The following CDH9 variants were observed in gnomAD, a reference collection of about 807,000 sequenced individuals.
The protein encoded by CDH9 is cadherin-9.
A neutral mutation model predicts 70.9 loss-of-function variants in CDH9; 28 were observed. That is an observed-to-expected ratio of 0.40 (90% CI 0.29 to 0.54). The LOEUF (loss-of-function observed/expected upper bound fraction) is 0.54, where lower values mean the gene tolerates loss of function less well. Ranked by LOEUF, CDH9 falls within the 20% of genes least tolerant of loss-of-function variation. The probability of loss-of-function intolerance (pLI) is 0.59; values close to 1 mark genes in which losing one functional copy is unlikely to be tolerated. For missense variants in CDH9, 874 were observed against 984.4 expected, an observed-to-expected ratio of 0.89 and a Z score of 1.50; for synonymous variants, 409 against 343.1, an observed-to-expected ratio of 1.19 and a Z score of -2.12.
intron 1 of CDH9, among the ~76,000 whole-genome samples, chr5:27,023,342 A>G (rs558338466): frequency 2.0e-5 from 3 of 152,052 alleles, no homozygotes; most frequent in South Asian, 2.1e-4. Flanking sequence ...TTTTAGGAAG[A>G]TTTTCATAGA....
At chr5:26,952,235 A>T (rs1741858687) in intron 2 of CDH9, among the ~76,000 whole-genome samples, 1 of 148,992 alleles carries the variant, frequency 6.7e-6, no homozygotes, top group African/African-American at 2.5e-5. Context: ...AAGTGCTGGG[A>T]TCACAGGCGT....
At chr5:26,886,973 C>T (rs1178792836) in intron 9 of CDH9, among the ~76,000 whole-genome samples, 1 of 152,156 alleles carries the variant, frequency 6.6e-6, no homozygotes, top group African/African-American at 2.4e-5. Context: ...CATAGTCTAA[C>T]ATTGTGTGGT....
At chr5:26,897,115 C>T (rs1286011999) in intron 7 of CDH9, among the ~76,000 whole-genome samples, 2 of 151,920 alleles carry the variant, frequency 1.3e-5, no homozygotes, top group East Asian at 3.9e-4. Context: ...AAAGACTAAA[C>T]CAGGAAGAAG....
chr5:26,973,114 G>A (rs1742249223), intron 2 of CDH9, among the ~76,000 whole-genome samples: 1 of 151,964 alleles, frequency 6.6e-6, no homozygotes, highest in Non-Finnish European at 1.5e-5. Context: ...TGCCCGCCTC[G>A]GCCTCCCAAA....
intron 2 of CDH9, among the ~76,000 whole-genome samples, chr5:26,952,634 C>CTAAAAAAAAAAA (rs1741870083): frequency 1.7e-5 from 1 of 57,834 alleles, no homozygotes; most frequent in Non-Finnish European, 3.0e-5. Flanking sequence ...GACTCCGTCT[C>CTAAAAAAAAAAA]AAAAAAAAAA....
At chr5:26,981,798 A>G (rs1483230283) in intron 2 of CDH9, among the ~76,000 whole-genome samples, 1 of 152,210 alleles carries the variant, frequency 6.6e-6, no homozygotes, top group Non-Finnish European at 1.5e-5. Context: ...TGTCAAAAAT[A>G]AAACCAATAA....
At chr5:27,017,410 C>T (rs1743063824) in intron 1 of CDH9, among the ~76,000 whole-genome samples, 1 of 148,078 alleles carries the variant, frequency 6.8e-6, no homozygotes, top group African/African-American at 2.5e-5. Context: ...TTTTCTGTTT[C>T]ACAATGCTTG....
In CDH9 at chr5:26,891,397, G is replaced by A. The variant is rs192315867; in HGVS notation, c.1254-833C>T. Among the ~76,000 whole-genome samples the A allele has an allele frequency of 4.1e-4, 63 of 152,316 alleles. No homozygotes were observed. The East Asian group carries it at 0.012, about 29-fold the overall frequency. ...TGAGCCCTTAAAAGTGGAATGGGAA[G>A]ACCAGGTGCGGTGGCTCACGCCTGT... On this transcript the variant is annotated intron_variant, in intron 7 of 11. Coordinates refer to ENST00000231021, the MANE Select transcript of CDH9 (RefSeq NM_016279.4).
chr5:26,978,088 A>C (rs1304831815), intron 2 of CDH9, among the ~76,000 whole-genome samples: 1 of 152,080 alleles, frequency 6.6e-6, no homozygotes, highest in Admixed American at 6.6e-5. Context: ...AAGCAAGATA[A>C]TAGAATTTCT....
chr5:26,980,046 A>G (rs1284362358), intron 2 of CDH9, among the ~76,000 whole-genome samples: 1 of 151,858 alleles, frequency 6.6e-6, no homozygotes, highest in Admixed American at 6.6e-5. Context: ...AGAATACTAT[A>G]CCCAGCAAGT....
At chr5:26,940,769 A>C (rs1741646811) in intron 2 of CDH9, among the ~76,000 whole-genome samples, 1 of 152,226 alleles carries the variant, frequency 6.6e-6, no homozygotes, top group African/African-American at 2.4e-5. Flanking sequence ...TGATTTTGAA[A>C]AACGAGGTAC....
At chr5:26,887,069 T>C (rs1740577796) in intron 9 of CDH9, among the ~76,000 whole-genome samples, 1 of 152,168 alleles carries the variant, frequency 6.6e-6, no homozygotes, top group African/African-American at 2.4e-5. Context: ...ACATACTCAC[T>C]AGTCAGTGTT....
rs773476075 is a variant in CDH9 at position 26,988,220 on chromosome 5, C to T, written c.114G>A (p.Ala38=). 1.2e-5 allele frequency: 20 copies of T among 1,613,334 alleles called. No homozygotes were observed. Among genetic ancestry groups the T allele is most frequent in the African/African-American group, 2.7e-5 (2 of 74,884 alleles). The change falls in exon 2 of 12, where the codon GCG becomes GCA. Residue 38 remains alanine, a synonymous_variant. Coordinates refer to ENST00000231021, the MANE Select transcript of CDH9 (RefSeq NM_016279.4). ...TTTTACCGTCATCTTTTGTCAGACCCGCTATCTTTTTGCTTGATAAATAAC... is the reference window on the plus strand; with the variant it reads ...TTTTACCGTCATCTTTTGTCAGACCTGCTATCTTTTTGCTTGATAAATAAC... ...PNSYLSSKKI[A]GLTKDDGKML... is the part of the protein sequence containing the mutation.
intron 2 of CDH9, among the ~76,000 whole-genome samples, chr5:26,938,506 G>A (rs1049794151): frequency 6.6e-5 from 10 of 151,930 alleles, no homozygotes; most frequent in South Asian, 2.1e-4. Context: ...TTTAAAAATC[G>A]GGTGTGCAAA....
At chr5:26,908,381 C>T (rs1042540794) in intron 3 of CDH9, among the ~76,000 whole-genome samples, 1 of 151,778 alleles carries the variant, frequency 6.6e-6, no homozygotes, top group African/African-American at 2.4e-5. Context: ...TTATATAACC[C>T]TATGTGATAT....
chr5:26,938,250 A>C (rs980406789), intron 2 of CDH9, among the ~76,000 whole-genome samples: 1 of 151,624 alleles, frequency 6.6e-6, no homozygotes, highest in Non-Finnish European at 1.5e-5. Flanking sequence ...TAAAATATTT[A>C]GAGAGTGTAT....
chr5:27,006,765 G>A (rs1742871524), intron 1 of CDH9, among the ~76,000 whole-genome samples: 1 of 151,906 alleles, frequency 6.6e-6, no homozygotes, highest in African/African-American at 2.4e-5. Context: ...CTGCTCCCAT[G>A]GAATAAAGTA....
In CDH9 at chr5:26,931,083, C is replaced by A. The variant is rs113896082; in HGVS notation, c.229-15159G>T. ...CCTGTACTTGAGCTCTCATAGCAAA[C>A]CACGACAAACCTGGACAAAATATGT... On this transcript the variant is annotated intron_variant, in intron 2 of 11. Transcript: ENST00000231021. Among the ~76,000 whole-genome samples the A allele has an allele frequency of 5.1e-3, 778 of 152,224 alleles. 5 individuals carry two copies. The highest frequency in any genetic ancestry group is 0.018 in the African/African-American group (737 of 41,526).
At chr5:26,997,040 C>A (rs1428612581) in intron 1 of CDH9, among the ~76,000 whole-genome samples, 1 of 151,756 alleles carries the variant, frequency 6.6e-6, no homozygotes, top group Non-Finnish European at 1.5e-5. Flanking sequence ...AGAAGAGAAG[C>A]TCTTGAATGA....
Sources: gnomAD v4.1 joint callset for allele counts (sites outside exome capture counted in the v4.1 genomes callset) on GRCh38, gnomAD v4.1.1 for gene constraint, MANE v1.5 for transcripts, NCBI Gene and HGNC (gene_info 2026-07-23, HGNC 2026-07-21) for gene names.